The following ELMO1 variants were observed in gnomAD, a reference collection of about 807,000 sequenced individuals.
ELMO1 encodes engulfment and cell motility protein 1.
ELMO1 carries 26 observed loss-of-function variants against 98.9 expected under a neutral mutation model. The ratio of observed to expected loss-of-function variants is 0.26; its 90% CI spans 0.19 to 0.36. The LOEUF (loss-of-function observed/expected upper bound fraction) is 0.36. Among genes scored for constraint, ELMO1 ranks in the 10% least tolerant of loss-of-function variants. The pLI is 1.00. For missense variants in ELMO1, 627 were observed against 935.2 expected (o/e 0.67, Z 4.30); for synonymous variants, 346 against 346.0 (o/e 1.00, Z 0.00).
intron 15 of ELMO1, among the ~76,000 whole-genome samples, chr7:37,094,971 T>C (rs1356943498): frequency 6.6e-6 from 1 of 152,186 alleles, no homozygotes; most frequent in African/African-American, 2.4e-5. Context: ...CAGACATATG[T>C]CCCTTGGGCA....
chr7:37,057,608 A>C (rs1796455528), intron 15 of ELMO1, among the ~76,000 whole-genome samples: 1 of 152,206 alleles, frequency 6.6e-6, no homozygotes, highest in Non-Finnish European at 1.5e-5. Context: ...CACTTCAGTA[A>C]CACCACCTTA....
chr7:37,267,493 T>C (rs1430308538), intron 5 of ELMO1, among the ~76,000 whole-genome samples: 1 of 152,250 alleles, frequency 6.6e-6, no homozygotes, highest in Admixed American at 6.5e-5. Flanking sequence ...TGTGAGTCTA[T>C]TTATTATATA....
intron 13 of ELMO1, among the ~76,000 whole-genome samples, chr7:37,180,483 C>G (rs1229393973): frequency 1.3e-5 from 2 of 152,106 alleles, no homozygotes; most frequent in African/African-American, 4.8e-5. Flanking sequence ...CACAGAAAGG[C>G]AAAGCACTAT....
chr7:37,058,418 C>A (rs181771973), intron 15 of ELMO1, among the ~76,000 whole-genome samples: 1 of 151,950 alleles, frequency 6.6e-6, no homozygotes, highest in African/African-American at 2.4e-5. Flanking sequence ...CATGCACCAA[C>A]CTCTCTCTCT....
intron 1 of ELMO1, among the ~76,000 whole-genome samples, chr7:37,398,623 C>A (rs1313319428): frequency 1.3e-5 from 2 of 152,062 alleles, no homozygotes; most frequent in African/African-American, 4.8e-5. Flanking sequence ...AGGGAAATCA[C>A]AAGAAAGAAT....
At chr7:36,887,525 C>A in intron 18 of ELMO1, 35 bp downstream of exon 18, 1 of 1,601,670 alleles carries the variant, frequency 6.2e-7, no homozygotes, top group Non-Finnish European at 8.6e-7. Context: ...CACTGTTTAC[C>A]CTATCCAAGT....
intron 5 of ELMO1, 60 bp from the exon 6 acceptor site, chr7:37,259,410 A>G (rs1484777014): frequency 3.8e-6 from 6 of 1,564,054 alleles, no homozygotes; most frequent in Non-Finnish European, 5.2e-6. Context: ...AGCAAAACAG[A>G]TTTATGTTTC....
chr7:37,235,405 ATTTAT>A (rs1794406783), intron 7 of ELMO1, among the ~76,000 whole-genome samples: 1 of 152,226 alleles, frequency 6.6e-6, no homozygotes, highest in African/African-American at 2.4e-5. Flanking sequence ...AAATTAGCTC[ATTTAT>A]TTTATTTACT....
intron 10 of ELMO1, among the ~76,000 whole-genome samples, chr7:37,220,088 A>G (rs1432882353): frequency 1.3e-5 from 2 of 152,258 alleles, no homozygotes; most frequent in African/African-American, 2.4e-5. Flanking sequence ...GTCACCAGTT[A>G]GCTCAGTCTT....
chr7:37,125,657 G>C (rs564447267), intron 14 of ELMO1, among the ~76,000 whole-genome samples: 14 of 152,344 alleles, frequency 9.2e-5, no homozygotes, highest in Admixed American at 8.5e-4. Context: ...ACAAGTGCTG[G>C]AGAGGATGTG....
At chr7:37,133,674 T>C (rs1787075396) in intron 13 of ELMO1, among the ~76,000 whole-genome samples, 2 of 152,176 alleles carry the variant, frequency 1.3e-5, no homozygotes, top group Non-Finnish European at 2.9e-5. Context: ...CTCCGCATCC[T>C]TACGTGGGAG....
chr7:37,114,892 G>T (rs1187386134), intron 14 of ELMO1, among the ~76,000 whole-genome samples: 2 of 151,900 alleles, frequency 1.3e-5, no homozygotes, highest in Non-Finnish European at 2.9e-5. Context: ...AAAGGAAAAT[G>T]ATAAATTATT....
At position 37,311,763 on chromosome 7, in the gene ELMO1, G is replaced by A. The variant is rs540253320; in HGVS notation, c.192+3087C>T. Among the ~76,000 whole-genome samples the A allele has an allele frequency of 1.6e-4, 24 of 152,210 alleles. No individual in the cohort carries two copies. The South Asian group carries it at 5.0e-3, about 32-fold the overall frequency. On this transcript the variant is annotated intron_variant, in intron 4 of 21. Transcript: ENST00000310758. ...TATTTACAAACAAAGAACTACGATAGGGAAGATGAGTCTTCTCACTCCTTA... is the reference window on the plus strand; with the variant it reads ...TATTTACAAACAAAGAACTACGATAAGGAAGATGAGTCTTCTCACTCCTTA...
intron 20 of ELMO1, chr7:36,862,173 A>G (rs930021546): frequency 5.5e-6 from 1 of 183,142 alleles, no homozygotes; most frequent in African/African-American, 2.3e-5. Flanking sequence ...AGGATTAAGG[A>G]CTGCCCTTCC....
chr7:37,368,696 G>A (rs956032952), intron 1 of ELMO1, among the ~76,000 whole-genome samples: 9 of 152,136 alleles, frequency 5.9e-5, no homozygotes, highest in Non-Finnish European at 1.2e-4. Flanking sequence ...AGATTACCTG[G>A]GAGGCTTTAT....
chr7:37,085,364 A>C (rs1324942866), intron 15 of ELMO1, among the ~76,000 whole-genome samples: 2 of 151,176 alleles, frequency 1.3e-5, no homozygotes, highest in African/African-American at 4.9e-5. Flanking sequence ...TGTTTGTTTC[A>C]CTCATGTATA....
chr7:36,942,022 A>T (rs899639471), intron 16 of ELMO1, among the ~76,000 whole-genome samples: 4 of 152,242 alleles, frequency 2.6e-5, no homozygotes, highest in Admixed American at 6.5e-5. Flanking sequence ...CTTCGTGCTG[A>T]ATGATTTCCA....
intron 2 of ELMO1, among the ~76,000 whole-genome samples, chr7:37,337,712 T>C (rs1285049432): frequency 2.6e-5 from 4 of 152,130 alleles, no homozygotes. Flanking sequence ...GCCGAGAAGT[T>C]CTAGGCAAAG....
chr7:37,288,142 T>C (rs1187120970), intron 4 of ELMO1, among the ~76,000 whole-genome samples: 1 of 152,002 alleles, frequency 6.6e-6, no homozygotes, highest in Non-Finnish European at 1.5e-5. Context: ...GTATTTTTGG[T>C]AGAGACAGGG....
Sources: allele counts gnomAD v4.1 joint callset (sites outside exome capture counted in the v4.1 genomes callset), GRCh38; gene constraint gnomAD v4.1.1; transcripts MANE v1.5; gene names NCBI Gene and HGNC (gene_info 2026-07-23, HGNC 2026-07-21).